The following MCF2 variants were observed in gnomAD, a reference collection of about 807,000 sequenced individuals.
MCF2 encodes the protein proto-oncogene DBL.
In MCF2, 44 loss-of-function variants were observed where a neutral mutation model predicts 82.5. The ratio of observed to expected loss-of-function variants is 0.53; its 90% CI spans 0.42 to 0.69. MCF2 has a LOEUF of 0.69. Among genes scored for constraint, MCF2 ranks in the 30% least tolerant of loss-of-function variants. The probability of loss-of-function intolerance (pLI) is 0.00; values close to 1 mark genes in which losing one functional copy is unlikely to be tolerated. For synonymous variants in MCF2, 217 were observed against 224.9 expected, an observed-to-expected ratio of 0.96 and a Z score of 0.32; for missense variants, 623 against 663.1, an observed-to-expected ratio of 0.94 and a Z score of 0.66.
At chrX:139,639,714 G>A (rs955372088) in intron 1 of MCF2, among the ~76,000 whole-genome samples, 2 of 111,873 alleles carry the variant, frequency 1.8e-5, no homozygotes, top group African/African-American at 6.5e-5. Flanking sequence ...ACTCTTGTGT[G>A]TGCTCTCTAA....
At chrX:139,624,913 G>GA (rs891867960) in intron 6 of MCF2, among the ~76,000 whole-genome samples, 1 of 110,682 alleles carries the variant, frequency 9.0e-6, no homozygotes, top group Non-Finnish European at 1.9e-5. Flanking sequence ...TGTCAGATCA[G>GA]AAAAAAATAT....
At chrX:139,663,414 T>C (rs1934411309) in intron 1 of MCF2, among the ~76,000 whole-genome samples, 2 of 112,047 alleles carry the variant, frequency 1.8e-5, no homozygotes, top group Non-Finnish European at 3.8e-5. Flanking sequence ...GTTAGGTCCA[T>C]TCAGTCTAAT....
chrX:139,691,587 C>T (rs1469107690), intron 1 of MCF2, among the ~76,000 whole-genome samples: 1 of 110,504 alleles, frequency 9.0e-6, no homozygotes. Context: ...GGTCCTCCTG[C>T]GGGACCAGAG....
intron 1 of MCF2, among the ~76,000 whole-genome samples, chrX:139,676,737 G>A (rs747285411): frequency 2.0e-4 from 22 of 112,096 alleles, no homozygotes; most frequent in Middle Eastern, 4.2e-3. Flanking sequence ...GTAAGTGCTC[G>A]ATAAATGTCG....
At chrX:139,611,087 G>A (rs959308459) in intron 10 of MCF2, among the ~76,000 whole-genome samples, 1 of 112,021 alleles carries the variant, frequency 8.9e-6, no homozygotes, top group Non-Finnish European at 1.9e-5. Flanking sequence ...CTACAAAGCC[G>A]AAGGCATGGT....
intron 1 of MCF2, among the ~76,000 whole-genome samples, chrX:139,654,848 A>G (rs2148531976): frequency 8.9e-6 from 1 of 112,034 alleles, no homozygotes; most frequent in South Asian, 3.7e-4. Flanking sequence ...ATCTAGTTTC[A>G]TTCTTCCACA....
chrX:139,665,637 T>C (rs1934487702), intron 1 of MCF2, among the ~76,000 whole-genome samples: 2 of 109,892 alleles, frequency 1.8e-5, no homozygotes, highest in East Asian at 5.8e-4. Context: ...CAACCTGGTA[T>C]TATGAATGCT....
In MCF2 at chrX:139,597,603, G is replaced by T. The variant is rs759133890; in HGVS notation, c.1930-18C>A. 8.9e-7 allele frequency: 1 copy of T among 1,120,927 alleles called. No homozygotes were observed. The highest frequency in any genetic ancestry group is 1.8e-5 in the African/African-American group (1 of 54,089). The allele number at this position is 1,120,927 out of a possible 1,213,427, so 92.4% of individuals were successfully genotyped here. On this transcript the variant is annotated intron_variant, in intron 17 of 24. Coordinates refer to ENST00000370576, the Ensembl canonical transcript of MCF2. ...AATAGCTCCTGTAATTAGAAATCAGGAATTAATATTAGGCAGATATTAATA... is the reference window on the plus strand; with the variant it reads ...AATAGCTCCTGTAATTAGAAATCAGTAATTAATATTAGGCAGATATTAATA...
At chrX:139,593,247 T>A (rs1329709361) in intron 19 of MCF2, among the ~76,000 whole-genome samples, 1 of 111,611 alleles carries the variant, frequency 9.0e-6, no homozygotes, top group South Asian at 3.8e-4. Flanking sequence ...CCCTTTATCA[T>A]TTTTTATTGC....
chrX:139,618,529 A>C (rs1932098940), intron 7 of MCF2, among the ~76,000 whole-genome samples: 1 of 111,342 alleles, frequency 9.0e-6, no homozygotes, highest in Non-Finnish European at 1.9e-5. Context: ...AATGGAAAAA[A>C]ATTAAGTCTC....
intron 16 of MCF2, among the ~76,000 whole-genome samples, chrX:139,601,653 A>T (rs1459838106): frequency 9.0e-6 from 1 of 111,249 alleles, no homozygotes; most frequent in Non-Finnish European, 1.9e-5. Flanking sequence ...AAGACATGGC[A>T]CCTAGGAATG....
chrX:139,691,042 T>C (rs898274525), intron 1 of MCF2, among the ~76,000 whole-genome samples: 5 of 111,798 alleles, frequency 4.5e-5, no homozygotes, highest in Admixed American at 9.5e-5. Flanking sequence ...GTATCACGAC[T>C]GGCAAGTGAC....
intron 1 of MCF2, among the ~76,000 whole-genome samples, chrX:139,655,443 A>G (rs1232743133): frequency 1.8e-5 from 2 of 111,989 alleles, no homozygotes; most frequent in Non-Finnish European, 3.8e-5. Context: ...CTGTTGGTGT[A>G]TATAAATGCT....
exon 25 of MCF2, chrX:139,582,401 G>C: frequency 8.9e-7 from 1 of 1,120,223 alleles, no homozygotes; most frequent in African/African-American, 1.8e-5. Context: ...TGTCTTTTGC[G>C]CAGTATTTTT....
At chrX:139,674,536 A>C (rs1934807177) in intron 1 of MCF2, among the ~76,000 whole-genome samples, 1 of 111,964 alleles carries the variant, frequency 8.9e-6, no homozygotes, top group Non-Finnish European at 1.9e-5. Flanking sequence ...AAAATCTCTC[A>C]GCATTTGCTT....
rs765358908 is a variant in MCF2, at chrX:139,628,401, C to T, written c.438+1294G>A. Among the ~76,000 whole-genome samples, 14 of 111,601 alleles carry T rather than the reference C, an allele frequency of 1.3e-4. No homozygotes were observed. The South Asian group carries it at 1.5e-3, about 12-fold the overall frequency. ...GGAAACCAAATACTGCATGTTCTCA[C>T]AAGTGGGAGCTAAACATTAGGTACA... On this transcript the variant is annotated intron_variant, in intron 4 of 24. Coordinates refer to ENST00000370576, the Ensembl canonical transcript of MCF2.
chrX:139,672,651 C>T (rs1934736265), intron 1 of MCF2, among the ~76,000 whole-genome samples: 1 of 112,053 alleles, frequency 8.9e-6, no homozygotes, highest in Non-Finnish European at 1.9e-5. Flanking sequence ...AGTCTGGCAT[C>T]CCAGGGATGA....
At position 139,593,334 on chromosome X, in the gene MCF2, A is replaced by C. The variant is rs188938122; in HGVS notation, c.2277+3215T>G. On this transcript the variant is annotated intron_variant, in intron 19 of 24. Transcript: ENST00000370576. ...ATCAATTTTGTTGATCCTTTCAAAA[A>C]ACCAGCTCCTGAATCTCTGAATAGA... 3.1e-4 allele frequency among the ~76,000 whole-genome samples: 34 copies of C among 110,905 alleles called. 1 individual carries two copies. The highest frequency in any genetic ancestry group is 1.0e-3 in the African/African-American group (32 of 30,538).
intron 10 of MCF2, among the ~76,000 whole-genome samples, chrX:139,612,689 T>TA (rs1317552966): frequency 8.9e-6 from 1 of 112,109 alleles, no homozygotes; most frequent in Non-Finnish European, 1.9e-5. Context: ...AATGGATTGT[T>TA]ATAATCCCTA....
Sources: gnomAD v4.1 joint callset for allele counts (sites outside exome capture counted in the v4.1 genomes callset) on GRCh38, gnomAD v4.1.1 for gene constraint, MANE v1.5 for transcripts, NCBI Gene and HGNC (gene_info 2026-07-23, HGNC 2026-07-21) for gene names.